Variants in CFDP1 observed in about 807,000 individuals in gnomAD.
CFDP1 encodes the protein chromatin remodeling protein CFDP1, also known as heterochromatin-stabilizing protein CFDP1.
A neutral mutation model predicts 40.1 loss-of-function variants in CFDP1; 31 were observed. The observed-to-expected ratio is 0.77, with a 90% CI of 0.58 to 1.04. The LOEUF (loss-of-function observed/expected upper bound fraction) is 1.04, where lower values mean the gene tolerates loss of function less well. Among genes scored for constraint, CFDP1 ranks in the 50% least tolerant of loss-of-function variants. The probability of loss-of-function intolerance (pLI) is 0.00; values close to 1 mark genes in which losing one functional copy is unlikely to be tolerated. For missense variants in CFDP1, 423 were observed against 343.4 expected, an observed-to-expected ratio of 1.23 and a Z score of -1.83; for synonymous variants, 167 against 120.0, an observed-to-expected ratio of 1.39 and a Z score of -2.56.
chr16:75,309,548 C>T (rs1285853023), intron 5 of CFDP1, among the ~76,000 whole-genome samples: 2 of 152,022 alleles, frequency 1.3e-5, no homozygotes, highest in Non-Finnish European at 2.9e-5. Context: ...CAACCGGGCG[C>T]TGTGGCTCAT....
At position 75,433,440 on chromosome 16, in the gene CFDP1, G is replaced by A; in HGVS notation, c.-88C>T. On this transcript the variant is annotated 5_prime_UTR_variant, in exon 1 of 7. Coordinates refer to ENST00000283882, the MANE Select transcript of CFDP1 (RefSeq NM_006324.3). ...CTCTAGGGAGAGACCATAGAGCCCC[G>A]GCGGCGGCGACGGCAGCTAGGGCGG... 2 of 1,370,106 alleles carry A rather than the reference G, an allele frequency of 1.5e-6. No homozygotes were observed. Among genetic ancestry groups the A allele is most frequent in the African/African-American group, 1.4e-5 (1 of 69,578 alleles). 84.9% of individuals were successfully genotyped at this position (1,370,106 alleles called of 1,614,324 possible).
intron 5 of CFDP1, among the ~76,000 whole-genome samples, chr16:75,387,297 C>G (rs193262141): frequency 5.9e-5 from 9 of 152,140 alleles, no homozygotes; most frequent in Non-Finnish European, 1.2e-4. Flanking sequence ...CCCACCACCA[C>G]GCCCGGAGAA....
intron 1 of CFDP1, among the ~76,000 whole-genome samples, chr16:75,431,968 G>A (rs1384569423): frequency 6.8e-6 from 1 of 147,696 alleles, no homozygotes; most frequent in Admixed American, 6.9e-5. Context: ...CTGGAGTGCA[G>A]TGGTGTGATC....
chr16:75,424,578 AC>A (rs1165705107), intron 1 of CFDP1, among the ~76,000 whole-genome samples: 1 of 152,018 alleles, frequency 6.6e-6, no homozygotes, highest in African/African-American at 2.4e-5. Context: ...ACACGGTGAA[AC>A]CCAGTCTCTA....
chr16:75,370,385 G>A (rs1260666064), intron 5 of CFDP1, among the ~76,000 whole-genome samples: 3 of 151,900 alleles, frequency 2.0e-5, no homozygotes, highest in Non-Finnish European at 2.9e-5. Context: ...GAGCCACCAC[G>A]CTCGGCCAAA....
intron 5 of CFDP1, among the ~76,000 whole-genome samples, chr16:75,390,142 T>C (rs1027109274): frequency 4.6e-5 from 7 of 152,248 alleles, no homozygotes; most frequent in Admixed American, 4.6e-4. Context: ...CATTCTTTAC[T>C]GAAAAATATT....
At chr16:75,372,511 A>G (rs1253667997) in intron 5 of CFDP1, 1 of 107,254 alleles carries the variant, frequency 9.3e-6, no homozygotes, top group Non-Finnish European at 2.3e-5. Context: ...AAATCGAACC[A>G]GAACTAGAAC....
intron 5 of CFDP1, among the ~76,000 whole-genome samples, chr16:75,355,164 G>A (rs2078637790): frequency 6.6e-6 from 1 of 152,168 alleles, no homozygotes; most frequent in Non-Finnish European, 1.5e-5. Context: ...TCATTTTGTT[G>A]GAAGAAGGTC....
chr16:75,401,599 C>G (rs558005901), intron 4 of CFDP1, among the ~76,000 whole-genome samples: 396 of 151,954 alleles, frequency 2.6e-3, no homozygotes, highest in African/African-American at 9.2e-3. Context: ...GACTCCGTCT[C>G]AGAAAAATAA....
At chr16:75,359,920 AGAAAGCT>A (rs1185087905) in intron 5 of CFDP1, among the ~76,000 whole-genome samples, 5 of 152,180 alleles carry the variant, frequency 3.3e-5, no homozygotes, top group Non-Finnish European at 5.9e-5. Flanking sequence ...TACTCTCCAA[AGAAAGCT>A]GAAAATGATC....
chr16:75,400,196 C>T lies in CFDP1; in HGVS notation c.531-4987G>A, dbSNP rs566065034. Among the ~76,000 whole-genome samples, 548 of 151,274 alleles carry T rather than the reference C, an allele frequency of 3.6e-3. 4 individuals carry two copies. The highest frequency in any genetic ancestry group is 0.013 in the African/African-American group (529 of 41,170). The stretch of plus-strand genomic sequence containing the variant: ...GCTTGGGAGGCTGAAGCAGAAGGAT[C>T]GCTTGAAGCCAGGAGTTCAAGGTTA... On this transcript the variant is annotated intron_variant, in intron 4 of 6. Transcript: ENST00000283882.
At chr16:75,430,631 T>C (rs1296866588) in intron 1 of CFDP1, among the ~76,000 whole-genome samples, 1 of 151,930 alleles carries the variant, frequency 6.6e-6, no homozygotes, top group African/African-American at 2.4e-5. Context: ...ACTTGGCTAA[T>C]TTTCATATTT....
chr16:75,401,940 T>C (rs1366102749), intron 4 of CFDP1, among the ~76,000 whole-genome samples: 1 of 152,162 alleles, frequency 6.6e-6, no homozygotes, highest in African/African-American at 2.4e-5. Flanking sequence ...TAATACATGA[T>C]ATATAGTAAG....
chr16:75,352,224 C>T (rs1772643177), intron 5 of CFDP1, among the ~76,000 whole-genome samples: 1 of 151,634 alleles, frequency 6.6e-6, no homozygotes, highest in African/African-American at 2.4e-5. Flanking sequence ...GCCTGTAGTC[C>T]CAGCTACTGG....
chr16:75,320,160 T>C (rs1004943888), intron 5 of CFDP1, among the ~76,000 whole-genome samples: 5 of 152,208 alleles, frequency 3.3e-5, no homozygotes, highest in Non-Finnish European at 7.3e-5. Context: ...AGCCTTTTCA[T>C]TCAGAAATGT....
intron 5 of CFDP1, among the ~76,000 whole-genome samples, chr16:75,347,359 A>AAAAAAAAAAAAAG (rs1555556963): frequency 1.9e-3 from 104 of 53,662 alleles, no homozygotes; most frequent in Middle Eastern, 0.016. Flanking sequence ...AAAAAAAAAA[A>AAAAAAAAAAAAAG]AAAAAGAAAA....
rs145099116 is a variant in CFDP1 at position 75,352,693 on chromosome 16, G to A, written c.650+42397C>T. On this transcript the variant is annotated intron_variant, in intron 5 of 6. Coordinates refer to ENST00000283882, the MANE Select transcript of CFDP1 (RefSeq NM_006324.3). ...ATGGTGTGAAAGTGATATGCATTCC[G>A]TACAAACTACTCTGAGTACCCATAC... Among the ~76,000 whole-genome samples the A allele has an allele frequency of 3.5e-3, 527 of 152,194 alleles. 3 individuals are homozygous for A. Among genetic ancestry groups the A allele is most frequent in the African/African-American group, 0.012 (510 of 41,544 alleles).
chr16:75,404,684 T>C (rs904589566), intron 4 of CFDP1, among the ~76,000 whole-genome samples: 1 of 150,238 alleles, frequency 6.7e-6, no homozygotes, highest in African/African-American at 2.5e-5. Context: ...CATTATGCAA[T>C]ACAAATGGCC....
chr16:75,329,646 C>T (rs538793203), intron 5 of CFDP1, among the ~76,000 whole-genome samples: 1 of 152,300 alleles, frequency 6.6e-6, no homozygotes, highest in South Asian at 2.1e-4. Flanking sequence ...GCTGTTTTAT[C>T]TCTGCTACTG....
Sources: allele counts gnomAD v4.1 joint callset (sites outside exome capture counted in the v4.1 genomes callset), GRCh38; gene constraint gnomAD v4.1.1; transcripts MANE v1.5; gene names NCBI Gene and HGNC (gene_info 2026-07-23, HGNC 2026-07-21).